MTF1: variants seen among roughly 807,000 people sequenced by gnomAD.
The protein encoded by MTF1 is metal regulatory transcription factor 1.
Under a neutral mutation model 70.4 loss-of-function variants are expected in MTF1, and 22 were observed. The ratio of observed to expected loss-of-function variants is 0.31; its 90% CI spans 0.22 to 0.45. The LOEUF (loss-of-function observed/expected upper bound fraction) is 0.45. MTF1 is among the 20% of genes least tolerant of loss of function. The pLI, the probability that MTF1 is intolerant of heterozygous loss-of-function variation, is 1.00. For synonymous variants in MTF1, 333 were observed against 352.8 expected, an observed-to-expected ratio of 0.94 and a Z score of 0.63; for missense variants, 649 against 922.0, an observed-to-expected ratio of 0.70 and a Z score of 3.83.
rs373825676 is a variant in MTF1, at chr1:37,822,409, C to A, written c.1479G>T (p.Gln493His). 1.9e-5 allele frequency: 31 copies of A among 1,614,002 alleles called. No homozygotes were observed. The African/African-American group carries it at 4.0e-4, about 21-fold the overall frequency. ...CAACAGAAAGTCCTGGTACAATGGG[C>A]TGCGGTGCCTGGGGGTGCGGAAGAA... ...QEFLPHPQAPQPIVPGLSVVA... is the reference protein window; with the variant it reads ...QEFLPHPQAPHPIVPGLSVVA... Residue 493 changes from glutamine (Q) to histidine (H), a missense_variant, in exon 9 of 11, where the codon CAG (glutamine) becomes CAT (histidine). Gln to His is a conservative substitution (Grantham distance 24). Coordinates refer to ENST00000373036, the MANE Select transcript of MTF1 (RefSeq NM_005955.3).
Position 37,815,364 on chromosome 1 carries a change from G to C in MTF1, c.2034C>G (p.Phe678Leu). The change falls in exon 11 of 11, where the codon TTC becomes TTG. Residue 678 changes from phenylalanine to leucine, a missense_variant. Coordinates refer to ENST00000373036, the MANE Select transcript of MTF1 (RefSeq NM_005955.3). The surrounding 1 kb of genome is among the most constrained non-coding windows in gnomAD (Gnocchi z 4.5). ...GPSLQLPAQT[F>L]SSAPVPGSSS... Reference sequence around the variant, plus strand: ...ATGACCCGGGAACAGGGGCTGAAGAGAAAGTCTGCGCTGGGAGCTGCAGGC... The same window carrying C: ...ATGACCCGGGAACAGGGGCTGAAGACAAAGTCTGCGCTGGGAGCTGCAGGC... The C allele has an allele frequency of 6.2e-7, 1 of 1,614,136 alleles. No homozygotes were observed. The highest frequency in any genetic ancestry group is 8.5e-7 in the Non-Finnish European group (1 of 1,180,042).
At chr1:37,829,149 G>A (rs1321264439) in intron 7 of MTF1, among the ~76,000 whole-genome samples, 1 of 147,674 alleles carries the variant, frequency 6.8e-6, no homozygotes, top group Non-Finnish European at 1.5e-5. Flanking sequence ...ACAGGGTCTT[G>A]CTCTGTTGCC....
At chr1:37,819,027 C>G (rs961501845) in intron 9 of MTF1, among the ~76,000 whole-genome samples, 3 of 151,972 alleles carry the variant, frequency 2.0e-5, no homozygotes, top group Admixed American at 6.6e-5. Context: ...GGAAGAGAGG[C>G]CCGAGCTAGG....
Position 37,813,481 on chromosome 1 carries a change from CT to C in MTF1, c.*1654del, listed in dbSNP as rs1055446109. On this transcript the variant is annotated 3_prime_UTR_variant, in exon 11 of 11. Transcript: ENST00000373036. Reference sequence around the variant, plus strand: ...GTAAATTATCTGTTCTCAATAATATCTTGGCTGGCCCTGAGCAATGGCTCAG... The same window carrying C: ...GTAAATTATCTGTTCTCAATAATATCTGGCTGGCCCTGAGCAATGGCTCAG... 3.7e-4 allele frequency: 57 copies of C among 152,384 alleles called. No individual in the cohort carries two copies. Among genetic ancestry groups the C allele is most frequent in the African/African-American group, 1.3e-3 (52 of 41,586 alleles). The allele number at this position is 152,384 out of a possible 1,614,324, so 9.4% of individuals were successfully genotyped here. A position where few individuals can be genotyped will look rare whatever the true frequency, so the allele number is the denominator to read the frequency against.
chr1:37,851,864 A>T (rs1027188916), intron 2 of MTF1, among the ~76,000 whole-genome samples: 2 of 151,974 alleles, frequency 1.3e-5, no homozygotes, highest in African/African-American at 4.8e-5. Context: ...TTATTTAAAA[A>T]AAAAAAAAAA....
rs560462348 is a variant in MTF1 at position 37,813,477 on chromosome 1, A to ATAT, written c.*1656_*1658dup. On this transcript the variant is annotated 3_prime_UTR_variant, in exon 11 of 11. Coordinates refer to ENST00000373036, the MANE Select transcript of MTF1 (RefSeq NM_005955.3). ...CAAGGTAAATTATCTGTTCTCAATA[A>ATAT]TATCTTGGCTGGCCCTGAGCAATGG... 5.2e-4 allele frequency: 79 copies of ATAT among 152,384 alleles called. 1 individual carries two copies. The highest frequency in any genetic ancestry group is 1.8e-3 in the African/African-American group (76 of 41,586). The allele number at this position is 152,384 out of a possible 1,614,324, so 9.4% of individuals were successfully genotyped here. A position where few individuals can be genotyped will look rare whatever the true frequency, so the allele number is the denominator to read the frequency against.
chr1:37,859,528 T>C lies in MTF1; in HGVS notation c.-52+3A>G. The C allele has an allele frequency of 2.5e-6, 1 of 399,136 alleles. No individual in the cohort carries two copies. Among genetic ancestry groups the C allele is most frequent in the Non-Finnish European group, 4.4e-6 (1 of 226,496 alleles). 24.7% of individuals were successfully genotyped at this position (399,136 alleles called of 1,614,324 possible). The stretch of plus-strand genomic sequence containing the variant: ...CCAGGCCGAGTCTAGTTTCGCCTTT[T>C]ACCTCCGCGGCTCCCGGCAACGGCG... On this transcript the variant is annotated splice_donor_region_variant and intron_variant, in intron 1 of 10. Coordinates refer to ENST00000373036, the MANE Select transcript of MTF1 (RefSeq NM_005955.3).
intron 7 of MTF1, among the ~76,000 whole-genome samples, chr1:37,826,831 T>A (rs1395067156): frequency 6.6e-6 from 1 of 151,990 alleles, no homozygotes; most frequent in East Asian, 1.9e-4. Flanking sequence ...GTACAAAAAT[T>A]AGCTGAGCAT....
intron 1 of MTF1, among the ~76,000 whole-genome samples, chr1:37,858,067 AATAAGTTC>A (rs1192193652): frequency 6.6e-6 from 1 of 152,102 alleles, no homozygotes; most frequent in Non-Finnish European, 1.5e-5. Flanking sequence ...TCAAAAACTG[AATAAGTTC>A]ATAAGACCTT....
intron 7 of MTF1, among the ~76,000 whole-genome samples, chr1:37,828,994 A>G (rs1274147607): frequency 6.6e-6 from 1 of 152,242 alleles, no homozygotes; most frequent in Non-Finnish European, 1.5e-5. Flanking sequence ...CTCCTCTAAC[A>G]AAAGATCTGA....
intron 4 of MTF1, among the ~76,000 whole-genome samples, chr1:37,837,070 T>A (rs1265534369): frequency 1.3e-5 from 2 of 152,008 alleles, no homozygotes; most frequent in Non-Finnish European, 2.9e-5. Flanking sequence ...CACAATTCCT[T>A]TTTTTTCTGA....
intron 4 of MTF1, among the ~76,000 whole-genome samples, chr1:37,837,636 G>C (rs1641189936): frequency 6.6e-6 from 1 of 152,040 alleles, no homozygotes; most frequent in Non-Finnish European, 1.5e-5. Flanking sequence ...CTCCAGAGTA[G>C]CTGGGACTAT....
Position 37,838,640 on chromosome 1 carries a change from C to T in MTF1, c.764G>A (p.Gly255Glu). 6.2e-7 allele frequency: 1 copy of T among 1,612,226 alleles called. No individual in the cohort carries two copies. Among genetic ancestry groups the T allele is most frequent in the Non-Finnish European group, 8.5e-7 (1 of 1,178,768 alleles). Residue 255 changes from glycine (G) to glutamate (E), a missense_variant, in exon 4 of 11, where the codon GGG becomes GAG. Coordinates refer to ENST00000373036, the MANE Select transcript of MTF1 (RefSeq NM_005955.3). ...DLRKHIRTHT[G>E]EKPFRCDHDG... ...TAAGACCTACCGAAATGGCTTTTCC[C>T]CTGTATGAGTTCGAATGTGCTTCCT...
Position 37,815,255 on chromosome 1 carries a change from T to C in MTF1, c.2143A>G (p.Met715Val), listed in dbSNP as rs1640796729. The C allele has an allele frequency of 6.2e-7, 1 of 1,614,038 alleles. No homozygotes were observed. The highest frequency in any genetic ancestry group is 8.5e-7 in the Non-Finnish European group (1 of 1,180,024). ...SDPQTETLSAMDVSEFLSLQS... is the reference protein window; with the variant it reads ...SDPQTETLSAVDVSEFLSLQS... ...AGGGATAGAAACTCTGACACATCCATGGCACTTAATGTTTCTGTCTGAGGG... is the reference window on the plus strand; with the variant it reads ...AGGGATAGAAACTCTGACACATCCACGGCACTTAATGTTTCTGTCTGAGGG... The change falls in exon 11 of 11, where the codon ATG becomes GTG. Residue 715 changes from methionine to valine, a missense_variant. This residue lies in a region of MTF1 where 138 missense variants were observed against 134.4 expected (regional missense o/e 1.03). Transcript: ENST00000373036. The surrounding 1 kb of genome is among the most constrained non-coding windows in gnomAD (Gnocchi z 4.5).
chr1:37,855,570 T>C (rs1641478989), intron 2 of MTF1, among the ~76,000 whole-genome samples: 2 of 152,204 alleles, frequency 1.3e-5, no homozygotes, highest in Non-Finnish European at 2.9e-5. Context: ...AGATATTCCT[T>C]GCTAAATCAT....
At chr1:37,835,412 C>A (rs1641151615) in intron 5 of MTF1, among the ~76,000 whole-genome samples, 197 bp from the exon 6 acceptor site, 1 of 152,064 alleles carries the variant, frequency 6.6e-6, no homozygotes, top group African/African-American at 2.4e-5. Context: ...ATGCCTACTG[C>A]TGGGAAGTTT....
chr1:37,845,860 G>C (rs369365539), intron 2 of MTF1, among the ~76,000 whole-genome samples: 1 of 152,074 alleles, frequency 6.6e-6, no homozygotes, highest in Non-Finnish European at 1.5e-5. Flanking sequence ...AAGCAAATGC[G>C]TGCTCCCCCC....
At position 37,819,162 on chromosome 1, in the gene MTF1, A is replaced by T. The variant is rs1385120145; in HGVS notation, c.1768-1680T>A. 2.6e-5 allele frequency among the ~76,000 whole-genome samples: 4 copies of T among 152,292 alleles called. No homozygotes were observed. In the East Asian group the frequency reaches 7.7e-4, roughly 29 times the overall value. ...GGACTTCTCAGCCTCCATAAATGTAAGAAATAAATGTATTTTCTTTATCAA... is the reference window on the plus strand; with the variant it reads ...GGACTTCTCAGCCTCCATAAATGTATGAAATAAATGTATTTTCTTTATCAA... On this transcript the variant is annotated intron_variant, in intron 9 of 10. Coordinates refer to ENST00000373036, the MANE Select transcript of MTF1 (RefSeq NM_005955.3).
At chr1:37,850,517 G>T in intron 2 of MTF1, among the ~76,000 whole-genome samples, 1 of 151,386 alleles carries the variant, frequency 6.6e-6, no homozygotes, top group Non-Finnish European at 1.5e-5. Context: ...GGAAGGAAGG[G>T]AGGGAGGAAG....
Sources: gnomAD v4.1 joint callset for allele counts (sites outside exome capture counted in the v4.1 genomes callset) on GRCh38, gnomAD v4.1.1 for gene constraint, gnomAD v4.1.1 regional missense constraint, Gnocchi (gnomAD v3.1) non-coding constraint, MANE v1.5 for transcripts, NCBI Gene and HGNC (gene_info 2026-07-23, HGNC 2026-07-21) for gene names.